CMAS: variants seen among roughly 807,000 people sequenced by gnomAD.
CMAS encodes the protein cytidine monophosphate N-acetylneuraminic acid synthetase, also known as N-acylneuraminate cytidylyltransferase.
CMAS carries 21 observed loss-of-function variants against 53.4 expected under a neutral mutation model. The ratio of observed to expected loss-of-function variants is 0.39; its 90% confidence interval spans 0.28 to 0.57. CMAS has a LOEUF of 0.57. Ranked by LOEUF, CMAS falls within the 20% of genes least tolerant of loss-of-function variation. The probability of loss-of-function intolerance (pLI) is 0.56; values close to 1 mark genes in which losing one functional copy is unlikely to be tolerated. For synonymous variants in CMAS, 189 were observed against 195.2 expected (o/e 0.97, Z 0.27); for missense variants, 384 against 534.9 (o/e 0.72, Z 2.78).
At chr12:22,057,226 TACACACACACACATAC>T (rs1419865624) in intron 3 of CMAS, among the ~76,000 whole-genome samples, 1,479 of 133,896 alleles carry the variant, frequency 0.011, 30 homozygotes, top group African/African-American at 0.039. Flanking sequence ...AACCAGCTAT[TACACACACACACATAC>T]ACACACACAC....
chr12:22,058,774 GGTACAATTTCTTTATGATAAAGAAAA>G (rs1950286587), intron 4 of CMAS, 74 bp downstream of exon 4: 1 of 1,500,946 alleles, frequency 6.7e-7, no homozygotes, highest in African/African-American at 1.4e-5. Context: ...GAAGAAGTAT[GGTACAATTTCTTTATGATAAAGAAAA>G]GTATCAACCT....
chr12:22,047,277 TA>T (rs1226684124), intron 1 of CMAS, among the ~76,000 whole-genome samples: 1 of 152,192 alleles, frequency 6.6e-6, no homozygotes, highest in Non-Finnish European at 1.5e-5. Flanking sequence ...GTAATTTAGA[TA>T]CATTGCCAAA....
intron 1 of CMAS, among the ~76,000 whole-genome samples, chr12:22,053,206 G>A (rs531521198): frequency 2.0e-5 from 3 of 152,018 alleles, no homozygotes; most frequent in African/African-American, 7.2e-5. Context: ...CATGAGAATC[G>A]CTTGAACCTG....
intron 1 of CMAS, among the ~76,000 whole-genome samples, chr12:22,052,322 C>T (rs1455686875): frequency 1.3e-5 from 2 of 152,088 alleles, no homozygotes; most frequent in African/African-American, 4.8e-5. Context: ...AGAATCGTGC[C>T]TGGGACAGAA....
intron 7 of CMAS, 113 bp downstream of exon 7, chr12:22,062,547 G>A: frequency 9.0e-7 from 1 of 1,105,560 alleles, no homozygotes; most frequent in Non-Finnish European, 1.3e-6. Context: ...TAGGGAAATA[G>A]GAACTCTTTT....
intron 1 of CMAS, among the ~76,000 whole-genome samples, chr12:22,050,022 T>C (rs1447048748): frequency 6.6e-6 from 1 of 152,238 alleles, no homozygotes; most frequent in African/African-American, 2.4e-5. Context: ...GTGCTATTTG[T>C]CATCCTTTCC....
Position 22,052,653 on chromosome 12 carries a change from C to T in CMAS, c.261-2496C>T, listed in dbSNP as rs184385338. Among the ~76,000 whole-genome samples the T allele has an allele frequency of 6.1e-3, 934 of 152,242 alleles. 12 individuals carry two copies. Among genetic ancestry groups the T allele is most frequent in the African/African-American group, 0.022 (899 of 41,544 alleles). ...CTATTTTAAAAATGCACTAGGTTTT[C>T]ATTGCTACTTTACTTTGTTATATAC... is the stretch of plus-strand genomic sequence containing the variant. On this transcript the variant is annotated intron_variant, in intron 1 of 7. Transcript: ENST00000229329.
In CMAS at chr12:22,065,513, T is replaced by C; in HGVS notation, c.*202T>C. 3.9e-6 allele frequency: 2 copies of C among 512,210 alleles called. No homozygotes were observed. Among genetic ancestry groups the C allele is most frequent in the East Asian group, 3.1e-5 (1 of 32,306 alleles). 31.7% of individuals were successfully genotyped at this position (512,210 alleles called of 1,614,324 possible). ...CAGTCTTTCTCAGATTTTTAGTAAA[T>C]GCAAGTAAGAACATCATCAAAGTTC... On this transcript the variant is annotated 3_prime_UTR_variant, in exon 8 of 8. Transcript: ENST00000229329.
chr12:22,065,008 C>T, intron 7 of CMAS, 113 bp from the exon 8 acceptor site: 1 of 717,058 alleles, frequency 1.4e-6, no homozygotes, highest in South Asian at 2.1e-5. Flanking sequence ...TATGCAGTGC[C>T]CCTAGGTCTT....
At position 22,060,929 on chromosome 12, in the gene CMAS, A is replaced by ATGGCTATTTTGGCAAAGAGAAGCTTAAGG; in HGVS notation, c.788+3_788+4insTGGCTATTTTGGCAAAGAGAAGCTTAAGG. The ATGGCTATTTTGGCAAAGAGAAGCTTAAGG allele has an allele frequency of 6.7e-7, 1 of 1,487,606 alleles. No individual in the cohort carries two copies. Among genetic ancestry groups the ATGGCTATTTTGGCAAAGAGAAGCTTAAGG allele is most frequent in the Admixed American group, 1.7e-5 (1 of 59,808 alleles). 92.2% of individuals were successfully genotyped at this position (1,487,606 alleles called of 1,614,324 possible). On this transcript the variant is annotated splice_donor_region_variant and intron_variant, in intron 5 of 7. Transcript: ENST00000229329. ...ATTGCAGAGCAAAGAGTATTAAGGT[A>ATGGCTATTTTGGCAAAGAGAAGCTTAAGG]AAAACAAATAAACCTTTATAACCTT... is the stretch of plus-strand genomic sequence containing the variant.
intron 1 of CMAS, among the ~76,000 whole-genome samples, chr12:22,049,630 A>G (rs1175926941): frequency 6.6e-6 from 1 of 152,204 alleles, no homozygotes; most frequent in African/African-American, 2.4e-5. Flanking sequence ...ATTAGAAGAA[A>G]TAAAATTGGC....
At chr12:22,051,803 G>A (rs1465102889) in intron 1 of CMAS, among the ~76,000 whole-genome samples, 1 of 152,170 alleles carries the variant, frequency 6.6e-6, no homozygotes, top group African/African-American at 2.4e-5. Flanking sequence ...AAGATTGAGT[G>A]TGAGGATTAA....
chr12:22,049,229 T>G (rs1302147977), intron 1 of CMAS, among the ~76,000 whole-genome samples: 2 of 152,154 alleles, frequency 1.3e-5, no homozygotes, highest in Non-Finnish European at 2.9e-5. Context: ...CAGTATAGCT[T>G]CATCTTCCAC....
chr12:22,064,377 T>A (rs1035245560), intron 7 of CMAS, among the ~76,000 whole-genome samples: 1 of 152,096 alleles, frequency 6.6e-6, no homozygotes, highest in Non-Finnish European at 1.5e-5. Flanking sequence ...TTTCAGCAAC[T>A]ATTAATAAAT....
At chr12:22,047,219 A>G (rs1222527997) in intron 1 of CMAS, among the ~76,000 whole-genome samples, 2 of 152,192 alleles carry the variant, frequency 1.3e-5, no homozygotes, top group East Asian at 1.9e-4. Flanking sequence ...AAATCATTTA[A>G]TCATACCTTT....
At chr12:22,061,492 T>C in intron 6 of CMAS, 40 bp downstream of exon 6, 1 of 1,321,920 alleles carries the variant, frequency 7.6e-7, no homozygotes, top group Non-Finnish European at 1.0e-6. Flanking sequence ...TATAATATTT[T>C]GATTCAGGGT....
At chr12:22,050,663 C>A (rs1230595937) in intron 1 of CMAS, among the ~76,000 whole-genome samples, 1 of 152,056 alleles carries the variant, frequency 6.6e-6, no homozygotes. Flanking sequence ...TAAGCCAGAT[C>A]GTCTTTGTTG....
chr12:22,049,938 C>T (rs1269347520), intron 1 of CMAS, among the ~76,000 whole-genome samples: 1 of 151,782 alleles, frequency 6.6e-6, no homozygotes, highest in Non-Finnish European at 1.5e-5. Context: ...TCTAAACTAG[C>T]AAAATGAATG....
At chr12:22,049,357 C>T (rs753033593) in intron 1 of CMAS, among the ~76,000 whole-genome samples, 10 of 152,242 alleles carry the variant, frequency 6.6e-5, no homozygotes, top group Non-Finnish European at 1.0e-4. Context: ...AACCCAACAA[C>T]CAACCATTAC....
Sources: allele counts gnomAD v4.1 joint callset (sites outside exome capture counted in the v4.1 genomes callset), GRCh38; gene constraint gnomAD v4.1.1; transcripts MANE v1.5; gene names NCBI Gene and HGNC (gene_info 2026-07-23, HGNC 2026-07-21).